The following TMC7 variants were observed in gnomAD, a reference collection of about 807,000 sequenced individuals.
The protein encoded by TMC7 is transmembrane channel like 7, also known as transmembrane channel-like protein 7.
TMC7 carries 54 observed loss-of-function variants against 82.9 expected under a neutral mutation model. The ratio of observed to expected loss-of-function variants is 0.65; its 90% confidence interval spans 0.52 to 0.82. The LOEUF (loss-of-function observed/expected upper bound fraction) is 0.82, where lower values mean the gene tolerates loss of function less well. TMC7 is among the 40% of genes least tolerant of loss of function. TMC7 has a pLI of 0.00. For synonymous variants in TMC7, 350 were observed against 337.9 expected, an observed-to-expected ratio of 1.04 and a Z score of -0.39; for missense variants, 820 against 901.2, an observed-to-expected ratio of 0.91 and a Z score of 1.15.
chr16:19,024,358 C>G (rs1960124227), intron 5 of TMC7, among the ~76,000 whole-genome samples: 1 of 151,960 alleles, frequency 6.6e-6, no homozygotes, highest in Admixed American at 6.6e-5. Context: ...AAGGTTGAGG[C>G]TGCAGTGAGC....
intron 1 of TMC7, among the ~76,000 whole-genome samples, chr16:18,999,372 T>A (rs1390962002): frequency 6.6e-6 from 1 of 152,240 alleles, no homozygotes; most frequent in Non-Finnish European, 1.5e-5. Flanking sequence ...ATATAGAACA[T>A]GCCCTTCATT....
In TMC7 at chr16:19,056,449, C is replaced by T; in HGVS notation, c.1872-93C>T. ...AGGAGGTTAGGTGGCTCCCTGTAGG[C>T]CATTGTTAACAAAACATTCTGGGTG... is the stretch of plus-strand genomic sequence containing the variant. On this transcript the variant is annotated intron_variant, in intron 13 of 15. Coordinates refer to ENST00000304381, the MANE Select transcript of TMC7 (RefSeq NM_024847.4). 5 of 1,456,314 alleles carry T rather than the reference C, an allele frequency of 3.4e-6. 1 individual carries two copies. The South Asian group carries it at 6.7e-5, about 20-fold the overall frequency. 90.2% of individuals were successfully genotyped at this position (1,456,314 alleles called of 1,614,324 possible).
intron 1 of TMC7, among the ~76,000 whole-genome samples, chr16:18,985,490 T>G (rs1004063561): frequency 1.3e-5 from 2 of 152,206 alleles, no homozygotes; most frequent in African/African-American, 4.8e-5. Context: ...TCAAGTATTT[T>G]TTTAGTTGGT....
At position 19,030,230 on chromosome 16, in the gene TMC7, C is replaced by G. The variant is rs756000809; in HGVS notation, c.718C>G (p.Leu240Val). 6.2e-7 allele frequency: 1 copy of G among 1,610,212 alleles called. No individual in the cohort carries two copies. The highest frequency in any genetic ancestry group is 1.1e-5 in the South Asian group (1 of 90,572). ...GCTCTTGGCTTCGTTTCAGGGTTTC[C>G]TGGAGGAAACTAGCCTCTTTTACGG... Reference protein sequence around the residue: ...IIDLLSGTGFLEETSLFYGHY... With the variant: ...IIDLLSGTGFVEETSLFYGHY... The change falls in exon 6 of 16, where the codon CTG (leucine) becomes GTG (valine). Residue 240 changes from leucine (L) to valine (V), a missense_variant. Leu to Val is a conservative substitution (Grantham distance 32). This residue lies in a region of TMC7 where 650 missense variants were observed against 669.9 expected (regional missense o/e 0.97). Transcript: ENST00000304381.
chr16:19,059,317 A>T (rs1961902273), intron 14 of TMC7, 99 bp from the exon 15 acceptor site: 1 of 1,534,766 alleles, frequency 6.5e-7, no homozygotes, highest in Non-Finnish European at 8.7e-7. Flanking sequence ...CTTTTCTAAC[A>T]AGAGTAAAAC....
At chr16:18,991,692 C>A (rs1181804930) in intron 1 of TMC7, among the ~76,000 whole-genome samples, 1 of 152,054 alleles carries the variant, frequency 6.6e-6, no homozygotes, top group East Asian at 1.9e-4. Flanking sequence ...CCCATTAACT[C>A]ATCATTTACA....
intron 1 of TMC7, among the ~76,000 whole-genome samples, chr16:18,997,651 C>A (rs536483503): frequency 1.3e-5 from 2 of 152,066 alleles, no homozygotes; most frequent in South Asian, 4.2e-4. Flanking sequence ...ATTGAGCCAC[C>A]GCACCCAGCC....
chr16:19,013,338 C>T (rs1057108042), intron 2 of TMC7, among the ~76,000 whole-genome samples: 4 of 151,874 alleles, frequency 2.6e-5, no homozygotes, highest in Non-Finnish European at 4.4e-5. Flanking sequence ...CCTGCCTCAG[C>T]CTCCCTAGTA....
chr16:19,043,088 G>A (rs1961097093), intron 9 of TMC7, among the ~76,000 whole-genome samples: 1 of 150,854 alleles, frequency 6.6e-6, no homozygotes, highest in South Asian at 2.1e-4. Flanking sequence ...ATGGAAAATT[G>A]TCTTAAAAAA....
intron 5 of TMC7, among the ~76,000 whole-genome samples, chr16:19,023,438 C>T (rs1198311500): frequency 6.6e-6 from 1 of 151,984 alleles, no homozygotes; most frequent in Non-Finnish European, 1.5e-5. Context: ...CTAGTCCTTT[C>T]TTTTTATTTA....
chr16:18,985,044 G>A (rs1473592025), intron 1 of TMC7, among the ~76,000 whole-genome samples: 3 of 152,064 alleles, frequency 2.0e-5, no homozygotes, highest in Non-Finnish European at 4.4e-5. Flanking sequence ...GGTGGATCAC[G>A]AGGTCAGGAG....
intron 1 of TMC7, among the ~76,000 whole-genome samples, chr16:18,985,649 T>A (rs1358104207): frequency 6.6e-6 from 1 of 151,988 alleles, no homozygotes; most frequent in Non-Finnish European, 1.5e-5. Flanking sequence ...AGGAGGACTA[T>A]AATTGGGCCC....
At chr16:19,042,738 AT>A (rs1961075859) in intron 9 of TMC7, among the ~76,000 whole-genome samples, 2 of 147,718 alleles carry the variant, frequency 1.4e-5, no homozygotes, top group Non-Finnish European at 3.0e-5. Flanking sequence ...TATTTAATTT[AT>A]TTTTTTATTT....
rs1960481463 is a variant in TMC7 at position 19,030,791 on chromosome 16, T to C, written c.857+422T>C. Reference sequence around the variant, plus strand: ...TTTCACCATGTTGGCCAGGCTGGTCTTGAACTCCTGACCTCAGGTGATCTG... The same window carrying C: ...TTTCACCATGTTGGCCAGGCTGGTCCTGAACTCCTGACCTCAGGTGATCTG... On this transcript the variant is annotated intron_variant, in intron 6 of 15. Transcript: ENST00000304381. 2.6e-5 allele frequency among the ~76,000 whole-genome samples: 4 copies of C among 152,094 alleles called. No individual in the cohort carries two copies. In the South Asian group the frequency reaches 8.3e-4, roughly 32 times the overall value.
At chr16:19,012,788 CAAAAAAAAAAAAAAA>C (rs139163132) in intron 2 of TMC7, among the ~76,000 whole-genome samples, 6 of 66,634 alleles carry the variant, frequency 9.0e-5, no homozygotes, top group East Asian at 1.1e-3. Context: ...GATTCCATCT[CAAAAAAAAAAAAAAA>C]AAAAAAAAAA....
intron 1 of TMC7, among the ~76,000 whole-genome samples, chr16:18,989,172 C>T (rs2038904793): frequency 6.6e-6 from 1 of 152,094 alleles, no homozygotes. Flanking sequence ...ATTTGTTTTT[C>T]CCTCTTATCT....
intron 14 of TMC7, among the ~76,000 whole-genome samples, chr16:19,058,130 G>A (rs962612537): frequency 2.0e-5 from 3 of 152,038 alleles, no homozygotes; most frequent in Admixed American, 1.3e-4. Context: ...AGTGGCTCAC[G>A]CCTGTAATCC....
intron 3 of TMC7, among the ~76,000 whole-genome samples, chr16:19,019,985 T>G (rs549571187): frequency 1.2e-4 from 18 of 152,344 alleles, no homozygotes; most frequent in Admixed American, 3.3e-4. Context: ...AAGCCATCCT[T>G]GCTCTTCAGA....
intron 11 of TMC7, among the ~76,000 whole-genome samples, chr16:19,046,353 T>A (rs1961273326): frequency 6.6e-6 from 1 of 152,180 alleles, no homozygotes; most frequent in East Asian, 1.9e-4. Context: ...GTAACTGGGA[T>A]AATTAATGCA....
Sources: gnomAD v4.1 joint callset for allele counts (sites outside exome capture counted in the v4.1 genomes callset) on GRCh38, gnomAD v4.1.1 for gene constraint, gnomAD v4.1.1 regional missense constraint, MANE v1.5 for transcripts, NCBI Gene and HGNC (gene_info 2026-07-23, HGNC 2026-07-21) for gene names.